NEMP1: variants seen among roughly 807,000 people sequenced by gnomAD.
NEMP1 encodes the protein nuclear envelope integral membrane protein 1.
A neutral mutation model predicts 53.7 loss-of-function variants in NEMP1; 29 were observed. The observed-to-expected ratio is 0.54, with a 90% CI of 0.40 to 0.74. The LOEUF (loss-of-function observed/expected upper bound fraction) is 0.74, where lower values mean the gene tolerates loss of function less well. NEMP1 is among the 30% of genes least tolerant of loss of function. NEMP1 has a pLI of 0.00. For missense variants in NEMP1, 477 were observed against 528.6 expected (o/e 0.90, Z 0.96); for synonymous variants, 193 against 192.9 (o/e 1.00, Z 0.00).
chr12:57,084,958 T>C (rs1450305171), intron 1 of NEMP1, among the ~76,000 whole-genome samples: 1 of 152,232 alleles, frequency 6.6e-6, no homozygotes, highest in African/African-American at 2.4e-5. Flanking sequence ...AAATTGGTCC[T>C]TAACCATACT....
At chr12:57,068,014 TC>T (rs1267411256) in intron 4 of NEMP1, among the ~76,000 whole-genome samples, 1 of 151,896 alleles carries the variant, frequency 6.6e-6, no homozygotes, top group African/African-American at 2.4e-5. Flanking sequence ...CAAGTTATCC[TC>T]CCCCTTCAGC....
At chr12:57,086,100 G>T (rs542282209) in intron 1 of NEMP1, among the ~76,000 whole-genome samples, 1 of 152,312 alleles carries the variant, frequency 6.6e-6, no homozygotes, top group South Asian at 2.1e-4. Context: ...GAAGGAGAGG[G>T]TGAGCCAAAC....
chr12:57,072,658 C>G, intron 2 of NEMP1, 130 bp downstream of exon 2: 1 of 1,015,488 alleles, frequency 9.8e-7, no homozygotes, highest in Non-Finnish European at 1.4e-6. Flanking sequence ...TCAGGATAAT[C>G]TCAACCCTAA....
At chr12:57,080,568 G>A (rs908093511), upstream of NEMP1, among the ~76,000 whole-genome samples, 8 of 132,314 alleles carry the variant, frequency 6.0e-5, no homozygotes, top group Admixed American at 2.5e-4. Flanking sequence ...GACAGAGCAA[G>A]ACTCTGTCTC....
rs749328742 is a variant in NEMP1 at position 57,070,797 on chromosome 12, A to C, written c.349T>G (p.Ser117Ala). The change falls in exon 3 of 9, where the codon TCC becomes GCC. Residue 117 changes from serine (S) to alanine (A), a missense_variant. By Grantham distance (99) the Ser-to-Ala change is moderately conservative. Coordinates refer to ENST00000300128, the MANE Select transcript of NEMP1 (RefSeq NM_001130963.2). ...TTCAATTTCTCTTTTAAAAAGGAGG[A>C]AAAAAAGTTCCAGATACTAAACTGC... ...LEQFSIWNFF[S>A]SFLKEKLNDT... The C allele has an allele frequency of 1.9e-6, 3 of 1,613,574 alleles. No individual in the cohort carries two copies. The Admixed American group carries it at 5.0e-5, about 27-fold the overall frequency.
At chr12:57,080,511 G>A (rs999962806), upstream of NEMP1, among the ~76,000 whole-genome samples, 4 of 150,938 alleles carry the variant, frequency 2.7e-5, no homozygotes, top group East Asian at 2.0e-4. Flanking sequence ...CCCAGGAGGC[G>A]GAGGCTGCAG....
chr12:57,063,998 A>T, intron 6 of NEMP1, 73 bp downstream of exon 6: 2 of 911,590 alleles, frequency 2.2e-6, no homozygotes, highest in Middle Eastern at 4.4e-4. Context: ...AAGCAGGCAA[A>T]ATCTTTTCAT....
In NEMP1 at chr12:57,075,500, CAATAAATA is replaced by C. The variant is rs71084729; in HGVS notation, c.128-2596_128-2589del. 6.9e-3 allele frequency among the ~76,000 whole-genome samples: 993 copies of C among 144,718 alleles called. 9 individuals carry two copies. The highest frequency in any genetic ancestry group is 0.024 in the African/African-American group (932 of 39,598). The allele number at this position is 144,718 out of a possible 152,430, so 94.9% of individuals were successfully genotyped here. On this transcript the variant is annotated intron_variant, in intron 1 of 8. Coordinates refer to ENST00000300128, the MANE Select transcript of NEMP1 (RefSeq NM_001130963.2). ...ACAGAGCAAGACTCCATCTCAATAT[CAATAAATA>C]AATAAATAAATAAATAAATAAATAA...
Position 57,059,844 on chromosome 12 carries a change from C to A in NEMP1, c.*35G>T, listed in dbSNP as rs1278791059. On this transcript the variant is annotated 3_prime_UTR_variant, in exon 9 of 9. Coordinates refer to ENST00000300128, the MANE Select transcript of NEMP1 (RefSeq NM_001130963.2). Reference sequence around the variant, plus strand: ...AACACATGCAACATGGACCAAGGCACCAAGCCAGTCCACGTAAAGATAACT... The same window carrying A: ...AACACATGCAACATGGACCAAGGCAACAAGCCAGTCCACGTAAAGATAACT... 4.4e-6 allele frequency: 7 copies of A among 1,594,522 alleles called. No individual in the cohort carries two copies. The highest frequency in any genetic ancestry group is 5.1e-6 in the Non-Finnish European group (6 of 1,166,752).
Position 57,064,712 on chromosome 12 carries a change from C to A in NEMP1, c.573G>T (p.Gly191=). The A allele has an allele frequency of 6.2e-7, 1 of 1,612,814 alleles. No individual in the cohort carries two copies. ...SRSQIFYYST[G]MTVGIVASLL... ...GAGAGGCCACAATTCCCACAGTCAT[C>A]CCAGTAGAGTAGTAGAAAATTTGAC... The change falls in exon 5 of 9, where the codon GGG becomes GGT. Residue 191 remains glycine, a synonymous_variant. Transcript: ENST00000300128.
chr12:57,086,197 G>C (rs112235211), intron 1 of NEMP1, among the ~76,000 whole-genome samples: 2,424 of 152,274 alleles, frequency 0.016, 53 homozygotes, highest in African/African-American at 0.054. Context: ...CTACACGTGC[G>C]CGTAGGGACG....
Position 57,067,216 on chromosome 12 carries a change from C to T in NEMP1, c.545+2018G>A, listed in dbSNP as rs146292002. On this transcript the variant is annotated intron_variant, in intron 4 of 8. Coordinates refer to ENST00000300128, the MANE Select transcript of NEMP1 (RefSeq NM_001130963.2). ...GCAGGTGCCTGTAGTCCCAGCTACT[C>T]GGGAGGCTGAGGCAGGAGAATGGCA... Among the ~76,000 whole-genome samples, 552 of 151,320 alleles carry T rather than the reference C, an allele frequency of 3.6e-3. 2 individuals carry two copies. Among genetic ancestry groups the T allele is most frequent in the African/African-American group, 0.013 (530 of 41,192 alleles).
At chr12:57,064,556 C>A in intron 5 of NEMP1, 90 bp downstream of exon 5, 1 of 948,398 alleles carries the variant, frequency 1.1e-6, no homozygotes, top group South Asian at 1.6e-5. Context: ...GCCATCAATA[C>A]ACATTTTCAG....
upstream of NEMP1, among the ~76,000 whole-genome samples, chr12:57,083,047 TAATA>T (rs951016589): frequency 3.9e-5 from 6 of 152,022 alleles, no homozygotes; most frequent in African/African-American, 1.2e-4. Context: ...AAATAAAGGC[TAATA>T]TATATGTATA....
At chr12:57,064,582 C>G in intron 5 of NEMP1, 64 bp downstream of exon 5, 2 of 1,267,278 alleles carry the variant, frequency 1.6e-6, no homozygotes. Flanking sequence ...TAAGATTACC[C>G]AGGAAAACAG....
chr12:57,080,487 G>A (rs1228156040), upstream of NEMP1, among the ~76,000 whole-genome samples: 1 of 151,490 alleles, frequency 6.6e-6, no homozygotes, highest in African/African-American at 2.4e-5. Flanking sequence ...GCTGAGGCAG[G>A]AGAATCCCTT....
In NEMP1 at chr12:57,057,204, G is replaced by A. The variant is rs1223439787; in HGVS notation, c.*2675C>T. The A allele has an allele frequency of 6.6e-6, 1 of 152,224 alleles. No individual in the cohort carries two copies. Among genetic ancestry groups the A allele is most frequent in the Non-Finnish European group, 1.5e-5 (1 of 68,044 alleles). The allele number at this position is 152,224 out of a possible 1,614,324, so 9.4% of individuals were successfully genotyped here. On this transcript the variant is annotated 3_prime_UTR_variant, in exon 9 of 9. Transcript: ENST00000300128. ...TGAGAGGCAATAGATTTCCAATGCT[G>A]ATGAGATCCAGAGCCCTGGAGCCCA...
intron 1 of NEMP1, among the ~76,000 whole-genome samples, chr12:57,074,795 G>A (rs2032523193): frequency 6.6e-6 from 1 of 152,158 alleles, no homozygotes; most frequent in Non-Finnish European, 1.5e-5. Flanking sequence ...ATTTAAAAGT[G>A]ACCACTGTCC....
chr12:57,082,004 A>C (rs1038229387), upstream of NEMP1, among the ~76,000 whole-genome samples: 6 of 151,650 alleles, frequency 4.0e-5, no homozygotes, highest in Non-Finnish European at 7.4e-5. Flanking sequence ...GAATCACGAG[A>C]TCAGGAGTTC....
Sources: gnomAD v4.1 joint callset for allele counts (sites outside exome capture counted in the v4.1 genomes callset) on GRCh38, gnomAD v4.1.1 for gene constraint, MANE v1.5 for transcripts, NCBI Gene and HGNC (gene_info 2026-07-23, HGNC 2026-07-21) for gene names.